RHBDF2: variants seen among roughly 807,000 people sequenced by gnomAD.
The protein encoded by RHBDF2 is inactive rhomboid protein 2.
A neutral mutation model predicts 95.2 loss-of-function variants in RHBDF2; 38 were observed. The ratio of observed to expected loss-of-function variants is 0.40; its 90% CI spans 0.31 to 0.52. The LOEUF (loss-of-function observed/expected upper bound fraction) is 0.52, where lower values mean the gene tolerates loss of function less well. Among genes scored for constraint, RHBDF2 ranks in the 20% least tolerant of loss-of-function variants. The pLI, the probability that RHBDF2 is intolerant of heterozygous loss-of-function variation, is 0.56. For synonymous variants in RHBDF2, 442 were observed against 462.0 expected, an observed-to-expected ratio of 0.96 and a Z score of 0.55; for missense variants, 863 against 1,137.7, an observed-to-expected ratio of 0.76 and a Z score of 3.47.
chr17:76,486,211 G>A (rs1005083148), intron 2 of RHBDF2, among the ~76,000 whole-genome samples: 1 of 152,166 alleles, frequency 6.6e-6, no homozygotes, highest in Admixed American at 6.5e-5. Flanking sequence ...CCAGGTTCAA[G>A]CGATTCTCCT....
At chr17:76,477,472 C>T (rs925215336) in intron 7 of RHBDF2, among the ~76,000 whole-genome samples, 174 bp from the exon 8 acceptor site, 6 of 151,018 alleles carry the variant, frequency 4.0e-5, no homozygotes, top group Admixed American at 4.0e-4. Context: ...TGTGCCCCAC[C>T]GCAGGTCTTC....
chr17:76,484,992 C>G (rs558572712), intron 2 of RHBDF2, among the ~76,000 whole-genome samples: 1 of 152,306 alleles, frequency 6.6e-6, no homozygotes, highest in Non-Finnish European at 1.5e-5. Context: ...GATGATGTCA[C>G]CGGGCACAGT....
chr17:76,473,568 G>T (rs2073658592), intron 15 of RHBDF2, 80 bp downstream of exon 15: 1 of 1,236,732 alleles, frequency 8.1e-7, no homozygotes, highest in Non-Finnish European at 1.1e-6. Flanking sequence ...GGTGGTGACG[G>T]TGGAGGAGCA....
At chr17:76,492,873 C>T (rs12937982) in intron 1 of RHBDF2, among the ~76,000 whole-genome samples, 15,495 of 152,200 alleles carry the variant, frequency 0.1, 1,073 homozygotes, top group South Asian at 0.36. Flanking sequence ...ACGGGACAGG[C>T]CCTTGGATAA....
chr17:76,479,392 C>A (rs962777900), intron 4 of RHBDF2, 115 bp from the exon 5 acceptor site: 12 of 1,440,880 alleles, frequency 8.3e-6, no homozygotes, highest in Non-Finnish European at 1.1e-5. Context: ...AGGTGGGGGG[C>A]GGATCTGCCT....
intron 1 of RHBDF2, among the ~76,000 whole-genome samples, chr17:76,488,412 A>G (rs1391110569): frequency 6.6e-6 from 1 of 152,106 alleles, no homozygotes; most frequent in Admixed American, 6.5e-5. Flanking sequence ...AGGCAGGAGA[A>G]TTGCTTGAAC....
rs2073674901 is a variant in RHBDF2, at chr17:76,473,911, AG to A, written c.1575-10del. Reference sequence around the variant, plus strand: ...CTGGCTCCTCGCAGGTCCTGGAGACAGGGTTCAGATTGGGCTGTGGCACACC... The same window carrying A: ...CTGGCTCCTCGCAGGTCCTGGAGACAGGTTCAGATTGGGCTGTGGCACACC... On this transcript the variant is annotated splice_polypyrimidine_tract_variant and intron_variant, in intron 13 of 18. Coordinates refer to ENST00000675367, the MANE Select transcript of RHBDF2 (RefSeq NM_001005498.4). 4.3e-6 allele frequency: 7 copies of A among 1,613,858 alleles called. No homozygotes were observed. Among genetic ancestry groups the A allele is most frequent in the Non-Finnish European group, 5.1e-6 (6 of 1,179,938 alleles).
At chr17:76,476,554 A>G (rs1464224834) in intron 9 of RHBDF2, 4 of 443,124 alleles carry the variant, frequency 9.0e-6, no homozygotes, top group Non-Finnish European at 1.6e-5. Context: ...GTGACACTCA[A>G]TGAACATTTG....
At chr17:76,487,024 T>A (rs1050230237) in intron 2 of RHBDF2, among the ~76,000 whole-genome samples, 1 of 144,150 alleles carries the variant, frequency 6.9e-6, no homozygotes, top group African/African-American at 2.5e-5. Context: ...AGTGGCACGA[T>A]CTGAGCTCAC....
intron 12 of RHBDF2, 90 bp from the exon 13 acceptor site, chr17:76,474,232 A>G: frequency 1.5e-6 from 2 of 1,333,428 alleles, no homozygotes; most frequent in Non-Finnish European, 2.1e-6. Flanking sequence ...CCATCTCCCC[A>G]GGGCTCAGTC....
chr17:76,484,849 C>T (rs1425416429), intron 2 of RHBDF2, among the ~76,000 whole-genome samples: 1 of 152,174 alleles, frequency 6.6e-6, no homozygotes, highest in African/African-American at 2.4e-5. Flanking sequence ...GAGCCGGCAG[C>T]GCATACTGGG....
At chr17:76,484,251 G>A (rs2074055876) in intron 2 of RHBDF2, among the ~76,000 whole-genome samples, 2 of 151,742 alleles carry the variant, frequency 1.3e-5, no homozygotes, top group Admixed American at 6.6e-5. Flanking sequence ...CAACAAGAGC[G>A]AAACTTCGTC....
At chr17:76,494,428 C>A (rs114450931) in intron 1 of RHBDF2, among the ~76,000 whole-genome samples, 8 of 152,170 alleles carry the variant, frequency 5.3e-5, no homozygotes, top group African/African-American at 1.9e-4. Context: ...CACCACAGTG[C>A]CCTCCCCTGG....
chr17:76,491,907 C>T (rs762523997), intron 1 of RHBDF2, among the ~76,000 whole-genome samples: 1 of 152,222 alleles, frequency 6.6e-6, no homozygotes, highest in African/African-American at 2.4e-5. Context: ...CACTTATCTC[C>T]GAGCCCTAGA....
intron 1 of RHBDF2, among the ~76,000 whole-genome samples, chr17:76,499,576 G>A (rs1281002672): frequency 2.0e-5 from 3 of 152,118 alleles, no homozygotes; most frequent in Non-Finnish European, 4.4e-5. Flanking sequence ...GCTAACCCAG[G>A]GTGCCCTCTT....
intron 9 of RHBDF2, 165 bp downstream of exon 9, chr17:76,476,665 C>A: frequency 9.3e-7 from 1 of 1,080,426 alleles, no homozygotes; most frequent in African/African-American, 1.6e-5. Flanking sequence ...AGGTCATGTG[C>A]ACAACCCTTG....
At chr17:76,474,912 A>G in intron 10 of RHBDF2, 108 bp from the exon 11 acceptor site, 2 of 1,521,186 alleles carry the variant, frequency 1.3e-6, no homozygotes, top group Non-Finnish European at 1.8e-6. Flanking sequence ...GGGCCAGGCT[A>G]TGGTGAGCAC....
At chr17:76,479,367 C>T (rs753214577) in intron 4 of RHBDF2, 90 bp from the exon 5 acceptor site, 26 of 1,516,850 alleles carry the variant, frequency 1.7e-5, no homozygotes, top group Admixed American at 7.8e-5. Context: ...CGTGTGTGCC[C>T]GCGTGCCTAC....
intron 9 of RHBDF2, among the ~76,000 whole-genome samples, chr17:76,475,450 C>T (rs1298339674): frequency 6.6e-6 from 1 of 152,214 alleles, no homozygotes; most frequent in Non-Finnish European, 1.5e-5. Context: ...ATGTACTTTG[C>T]CCTTCCAGCC....
Sources: gnomAD v4.1 joint callset for allele counts (sites outside exome capture counted in the v4.1 genomes callset) on GRCh38, gnomAD v4.1.1 for gene constraint, MANE v1.5 for transcripts, NCBI Gene and HGNC (gene_info 2026-07-23, HGNC 2026-07-21) for gene names.